ZNF236: variants seen among roughly 807,000 people sequenced by gnomAD.
ZNF236 encodes zinc finger protein 236, also known as regulated by glucose.
In ZNF236, 50 loss-of-function variants were observed where a neutral mutation model predicts 191.2. The observed-to-expected ratio is 0.26, with a 90% CI of 0.21 to 0.33. The LOEUF (loss-of-function observed/expected upper bound fraction) is 0.33, where lower values mean the gene tolerates loss of function less well. Ranked by LOEUF, ZNF236 falls within the 10% of genes least tolerant of loss-of-function variation. The probability of loss-of-function intolerance (pLI) is 1.00; values close to 1 mark genes in which losing one functional copy is unlikely to be tolerated. For missense variants in ZNF236, 1,754 were observed against 2,374.5 expected (o/e 0.74, Z 5.43); for synonymous variants, 907 against 928.8 (o/e 0.98, Z 0.43).
At chr18:76,884,325 C>T (rs28668945) in intron 9 of ZNF236, among the ~76,000 whole-genome samples, 2,604 of 150,972 alleles carry the variant, frequency 0.017, 80 homozygotes, top group African/African-American at 0.057. Flanking sequence ...CGCTTGAACC[C>T]GGGAAGTGGA....
At chr18:76,838,004 G>C (rs1166485968) in intron 1 of ZNF236, among the ~76,000 whole-genome samples, 1 of 152,190 alleles carries the variant, frequency 6.6e-6, no homozygotes, top group Non-Finnish European at 1.5e-5. Flanking sequence ...CTCACAAATT[G>C]TTGGTGGTAC....
intron 26 of ZNF236, among the ~76,000 whole-genome samples, chr18:76,943,140 A>G (rs1385231132): frequency 2.0e-5 from 3 of 150,720 alleles, no homozygotes; most frequent in Non-Finnish European, 4.4e-5. Context: ...AAAAAAAAAA[A>G]AAGAAGAGCA....
chr18:76,935,850 G>T, intron 25 of ZNF236: 1 of 377,908 alleles, frequency 2.6e-6, no homozygotes, highest in South Asian at 1.9e-5. Flanking sequence ...CACACTCCTC[G>T]GGCTCCCACC....
intron 9 of ZNF236, 68 bp downstream of exon 9, chr18:76,881,580 CCTT>C: frequency 7.3e-7 from 1 of 1,375,470 alleles, no homozygotes; most frequent in East Asian, 2.4e-5. Flanking sequence ...AGAAATGTGC[CCTT>C]CTTTTTTCCT....
chr18:76,850,205 G>A (rs1975818025), intron 2 of ZNF236, among the ~76,000 whole-genome samples: 1 of 152,160 alleles, frequency 6.6e-6, no homozygotes, highest in Admixed American at 6.6e-5. Context: ...GAAAGTGACA[G>A]TTAAAACTAT....
At chr18:76,852,249 T>C (rs1975898977) in intron 3 of ZNF236, among the ~76,000 whole-genome samples, 2 of 152,212 alleles carry the variant, frequency 1.3e-5, no homozygotes, top group Non-Finnish European at 1.5e-5. Context: ...AACTAACATT[T>C]ATACGATTCT....
rs1304500767 is a variant in ZNF236 at position 76,824,292 on chromosome 18, AAC to A, written c.55+1635_55+1636del. On this transcript the variant is annotated intron_variant, in intron 1 of 30. Coordinates refer to ENST00000320610, the MANE Select transcript of ZNF236 (RefSeq NM_001306089.2). ...TGTCGTGATTGCACTTGGTAGAGTT[AAC>A]ACACGTGCACATTACGGAAACGTTG... 10 of 780,892 alleles carry A rather than the reference AAC, an allele frequency of 1.3e-5. No homozygotes were observed. The African/African-American group carries it at 1.4e-4, about 11-fold the overall frequency. The allele number at this position is 780,892 out of a possible 1,614,324, so 48.4% of individuals were successfully genotyped here.
rs776044520 is a variant in ZNF236 at position 76,880,331 on chromosome 18, CCTGCGGTGTGAGG to C, written c.1188+18_1188+30del. On this transcript the variant is annotated intron_variant, in intron 8 of 30. Transcript: ENST00000320610. This position sits in a 1 kb window ranked among gnomAD's most constrained non-coding sequence, Gnocchi z 5.0. ...ACATTTTACAGGTGAAGCACGCTTCCCTGCGGTGTGAGGCTTACGTGCTCGTGCTGGGTCAGAA... is the reference window on the plus strand; with the variant it reads ...ACATTTTACAGGTGAAGCACGCTTCCCTTACGTGCTCGTGCTGGGTCAGAA... The C allele has an allele frequency of 4.2e-5, 67 of 1,601,104 alleles. No individual in the cohort carries two copies. The highest frequency in any genetic ancestry group is 5.6e-5 in the Non-Finnish European group (66 of 1,171,066).
chr18:76,953,254 A>G (rs1214773570), intron 27 of ZNF236, among the ~76,000 whole-genome samples: 3 of 152,204 alleles, frequency 2.0e-5, no homozygotes, highest in Non-Finnish European at 2.9e-5. Flanking sequence ...ACTTCAAGCT[A>G]TTAAATCAGA....
Position 76,899,242 on chromosome 18 carries a change from G to A in ZNF236, c.1894+20G>A, listed in dbSNP as rs558403477. On this transcript the variant is annotated intron_variant, in intron 11 of 30. Coordinates refer to ENST00000320610, the MANE Select transcript of ZNF236 (RefSeq NM_001306089.2). ...ACTTAGGTAAGATGGATTGTAGGGCGTCTTTATAATTTATTGAGTACTATT... is the reference window on the plus strand; with the variant it reads ...ACTTAGGTAAGATGGATTGTAGGGCATCTTTATAATTTATTGAGTACTATT... 285 of 1,593,332 alleles carry A rather than the reference G, an allele frequency of 1.8e-4. No homozygotes were observed. The highest frequency in any genetic ancestry group is 2.2e-4 in the Non-Finnish European group (257 of 1,162,592).
Position 76,927,201 on chromosome 18 carries a change from T to G in ZNF236, c.4173+19T>G. 1 of 1,611,570 alleles carries G rather than the reference T, an allele frequency of 6.2e-7. No homozygotes were observed. The highest frequency in any genetic ancestry group is 8.5e-7 in the Non-Finnish European group (1 of 1,177,790). On this transcript the variant is annotated intron_variant, in intron 23 of 30. Transcript: ENST00000320610. This position sits in a 1 kb window ranked among gnomAD's most constrained non-coding sequence, Gnocchi z 5.4. ...GTTGCAGGTATGACACCTTCCATGG[T>G]CTCCTGTGCTGTAATTCTCTTGGCA...
At chr18:76,921,902 G>C (rs1423645648) in intron 20 of ZNF236, among the ~76,000 whole-genome samples, 3 of 151,934 alleles carry the variant, frequency 2.0e-5, no homozygotes, top group African/African-American at 4.8e-5. Flanking sequence ...TCAAGGTTCA[G>C]ACTCCCAGTG....
intron 1 of ZNF236, among the ~76,000 whole-genome samples, chr18:76,840,100 C>T (rs1975435450): frequency 6.6e-6 from 1 of 152,028 alleles, no homozygotes; most frequent in Non-Finnish European, 1.5e-5. Context: ...GTGTGTAGTG[C>T]ATGAATATAC....
Position 76,898,815 on chromosome 18 carries a change from G to T in ZNF236, c.1691-204G>T, listed in dbSNP as rs1308774948. ...TAAATGTTCTTTTTTTACTTAAAAT[G>T]CTCTTATAACATGCCTTAATATCTA... is the stretch of plus-strand genomic sequence containing the variant. On this transcript the variant is annotated intron_variant, in intron 10 of 30. Coordinates refer to ENST00000320610, the MANE Select transcript of ZNF236 (RefSeq NM_001306089.2). 3.9e-5 allele frequency among the ~76,000 whole-genome samples: 6 copies of T among 152,208 alleles called. No homozygotes were observed. In the East Asian group the frequency reaches 7.7e-4, roughly 20 times the overall value.
At chr18:76,942,493 AATTTTTTTAATTTTTT>A (rs1184810797) in intron 26 of ZNF236, among the ~76,000 whole-genome samples, 3 of 151,886 alleles carry the variant, frequency 2.0e-5, no homozygotes, top group Non-Finnish European at 4.4e-5. Context: ...TCTATTTTAT[AATTTTTTTAATTTTTT>A]ATTTTTTTAT....
chr18:76,968,345 G>A lies in ZNF236; in HGVS notation c.*6G>A. On this transcript the variant is annotated 3_prime_UTR_variant, in exon 31 of 31. Coordinates refer to ENST00000320610, the MANE Select transcript of ZNF236 (RefSeq NM_001306089.2). ...CCCTCACCCACGTCTTCTGATGCGA[G>A]TTGGAAGTACACCTTTAAGAATGTT... 3 of 1,604,758 alleles carry A rather than the reference G, an allele frequency of 1.9e-6. No individual in the cohort carries two copies. Among genetic ancestry groups the A allele is most frequent in the Non-Finnish European group, 2.5e-6 (3 of 1,177,652 alleles).
intron 1 of ZNF236, among the ~76,000 whole-genome samples, chr18:76,842,609 GGT>G (rs1186222272): frequency 6.8e-6 from 1 of 147,786 alleles, no homozygotes; most frequent in Non-Finnish European, 1.5e-5. Context: ...AAATTAGCTG[GGT>G]GTGGTGGCGC....
Position 76,927,478 on chromosome 18 carries a change from C to T in ZNF236, c.4375C>T (p.Leu1459=). The T allele has an allele frequency of 1.9e-5, 30 of 1,614,168 alleles. No homozygotes were observed. The highest frequency in any genetic ancestry group is 2.5e-5 in the Non-Finnish European group (29 of 1,180,040). ...VTSANLTIGP[L]SEQDSVLTTN... ...CTCTGCGAACCTGACCATAGGCCCGCTGTCTGAGCAGGATTCAGTGCTGAC... is the reference window on the plus strand; with the variant it reads ...CTCTGCGAACCTGACCATAGGCCCGTTGTCTGAGCAGGATTCAGTGCTGAC... Residue 1459 remains leucine (L), a synonymous_variant, in exon 24 of 31, where the codon CTG becomes TTG. Transcript: ENST00000320610. The surrounding 1 kb of genome is among the most constrained non-coding windows in gnomAD (Gnocchi z 5.4).
chr18:76,956,429 G>T (rs779683028), intron 28 of ZNF236, among the ~76,000 whole-genome samples: 10 of 152,182 alleles, frequency 6.6e-5, no homozygotes, highest in Non-Finnish European at 1.3e-4. Flanking sequence ...ACATTGAAAT[G>T]CCCTCTCTCC....
Sources: allele counts gnomAD v4.1 joint callset (sites outside exome capture counted in the v4.1 genomes callset), GRCh38; gene constraint gnomAD v4.1.1; non-coding constraint Gnocchi (gnomAD v3.1); transcripts MANE v1.5; gene names NCBI Gene and HGNC (gene_info 2026-07-23, HGNC 2026-07-21).